The following NR1H3 variants were observed in gnomAD, a reference collection of about 807,000 sequenced individuals.
NR1H3 encodes the protein nuclear receptor subfamily 1 group H member 3, also known as oxysterols receptor LXR-alpha.
A neutral mutation model predicts 48.1 loss-of-function variants in NR1H3; 19 were observed. The ratio of observed to expected loss-of-function variants is 0.40; its 90% CI spans 0.28 to 0.58. NR1H3 has a LOEUF of 0.58. Among genes scored for constraint, NR1H3 ranks in the 20% least tolerant of loss-of-function variants. The probability of loss-of-function intolerance (pLI) is 0.50; values close to 1 mark genes in which losing one functional copy is unlikely to be tolerated. For synonymous variants in NR1H3, 232 were observed against 227.3 expected (o/e 1.02, Z -0.19); for missense variants, 486 against 595.9 (o/e 0.82, Z 1.92).
rs1286324683 is a variant in NR1H3, at chr11:47,262,001, A to G, written c.971A>G (p.Glu324Gly). 4 of 1,613,192 alleles carry G rather than the reference A, an allele frequency of 2.5e-6. No homozygotes were observed. The highest frequency in any genetic ancestry group is 2.5e-6 in the Non-Finnish European group (3 of 1,179,176). The part of the protein sequence containing the change: ...TFLKDFSYNR[E>G]DFAKAGLQVE... ...CTCAAGGATTTCAGTTATAACCGGG[A>G]AGACTTTGCCAAAGCAGGTGAGAAC... The change falls in exon 7 of 10, where the codon GAA (glutamate) becomes GGA (glycine). Residue 324 changes from glutamate to glycine, a missense_variant. By Grantham distance (98) the Glu-to-Gly change is moderately conservative. Coordinates refer to ENST00000441012, the MANE Select transcript of NR1H3 (RefSeq NM_005693.4).
Position 47,261,317 on chromosome 11 carries a change from G to A in NR1H3, c.576G>A (p.Leu192=), listed in dbSNP as rs1314396468. 4 of 1,613,644 alleles carry A rather than the reference G, an allele frequency of 2.5e-6. No homozygotes were observed. The highest frequency in any genetic ancestry group is 2.2e-5 in the South Asian group (2 of 91,064). The part of the protein sequence containing the change: ...QEEEQAHATS[L]PPRASSPPQI... ...AGGAACAGGCTCATGCCACATCCTTGCCCCCCAGGGCTTCCTCACCCCCCC... is the reference window on the plus strand; with the variant it reads ...AGGAACAGGCTCATGCCACATCCTTACCCCCCAGGGCTTCCTCACCCCCCC... Residue 192 remains leucine (L), a synonymous_variant, in exon 5 of 10, where the codon TTG becomes TTA. Transcript: ENST00000441012.
In NR1H3 at chr11:47,260,399, C is replaced by G; in HGVS notation, c.233-10C>G. On this transcript the variant is annotated splice_polypyrimidine_tract_variant and intron_variant, in intron 3 of 9. Coordinates refer to ENST00000441012, the MANE Select transcript of NR1H3 (RefSeq NM_005693.4). ...CGGGGGAGAGCGTTGAAGCACTTTC[C>G]TGTATCCAGAGATCCGTCCACAAAA... 1 of 1,604,620 alleles carries G rather than the reference C, an allele frequency of 6.2e-7. No individual in the cohort carries two copies. Among genetic ancestry groups the G allele is most frequent in the Non-Finnish European group, 8.5e-7 (1 of 1,173,796 alleles).
intron 2 of NR1H3, 78 bp from the exon 3 acceptor site, chr11:47,259,713 A>T: frequency 6.3e-7 from 1 of 1,597,996 alleles, no homozygotes; most frequent in Admixed American, 1.7e-5. Context: ...ATAAGTTTGC[A>T]GTTTCCCAGC....
chr11:47,262,126 T>A, intron 7 of NR1H3, 108 bp downstream of exon 7: 1 of 769,222 alleles, frequency 1.3e-6, no homozygotes, highest in Non-Finnish European at 2.1e-6. Context: ...ATGCCTGTAA[T>A]CCCAGCACTT....
upstream of NR1H3, among the ~76,000 whole-genome samples, chr11:47,255,571 TTCTTTC>T (rs1565178385): frequency 9.5e-5 from 8 of 84,388 alleles, no homozygotes; most frequent in Middle Eastern, 4.6e-3. Context: ...CTTTCTTTCT[TTCTTTC>T]TTTCTTTCTT....
intron 7 of NR1H3, among the ~76,000 whole-genome samples, chr11:47,262,231 TAGTC>T (rs758957647): frequency 2.6e-5 from 4 of 151,584 alleles, no homozygotes; most frequent in African/African-American, 7.3e-5. Flanking sequence ...TACAAAAAAT[TAGTC>T]AGGCATGGTG....
intron 7 of NR1H3, among the ~76,000 whole-genome samples, chr11:47,262,492 C>T (rs1956007915): frequency 1.3e-5 from 2 of 151,922 alleles, no homozygotes; most frequent in South Asian, 4.2e-4. Flanking sequence ...AGCCACCCAC[C>T]ATGCCCGGCC....
chr11:47,262,028 G>A lies in NR1H3; in HGVS notation c.988+10G>A, dbSNP rs764762957. 2 of 1,591,904 alleles carry A rather than the reference G, an allele frequency of 1.3e-6. No individual in the cohort carries two copies. Among genetic ancestry groups the A allele is most frequent in the Admixed American group, 3.3e-5 (2 of 59,840 alleles). Reference sequence around the variant, plus strand: ...GACTTTGCCAAAGCAGGTGAGAACTGAGATCACACAGGGATTGGGGTTGGG... The same window carrying A: ...GACTTTGCCAAAGCAGGTGAGAACTAAGATCACACAGGGATTGGGGTTGGG... On this transcript the variant is annotated intron_variant, in intron 7 of 9. Transcript: ENST00000441012.
At chr11:47,248,922 T>G (rs759622799) in exon 1 of NR1H3, 101 of 1,535,222 alleles carry the variant, frequency 6.6e-5, no homozygotes, top group Non-Finnish European at 8.4e-5. Flanking sequence ...CCTGCTGGGG[T>G]GCGGGGAAAA....
chr11:47,250,964 C>T (rs565554290), intron 1 of NR1H3, among the ~76,000 whole-genome samples: 2 of 152,086 alleles, frequency 1.3e-5, no homozygotes, highest in South Asian at 2.1e-4. Context: ...TCAAGACCAT[C>T]CTGGCTAACA....
At position 47,259,216 on chromosome 11, in the gene NR1H3, G is replaced by A; in HGVS notation, c.-1G>A. The A allele has an allele frequency of 6.2e-7, 1 of 1,614,196 alleles. No individual in the cohort carries two copies. The highest frequency in any genetic ancestry group is 1.1e-5 in the South Asian group (1 of 91,080). On this transcript the variant is annotated 5_prime_UTR_variant, in exon 2 of 10. Coordinates refer to ENST00000441012, the MANE Select transcript of NR1H3 (RefSeq NM_005693.4). The stretch of plus-strand genomic sequence containing the variant: ...GGTAATGACCAGGGCTCCAGGAAGA[G>A]ATGTCCTTGTGGCTGGGGGCCCCTG...
Position 47,260,675 on chromosome 11 carries a change from T to A in NR1H3, c.499T>A (p.Cys167Ser). The A allele has an allele frequency of 2.5e-6, 4 of 1,589,564 alleles. No individual in the cohort carries two copies. The South Asian group carries it at 3.3e-5, about 13-fold the overall frequency. ...KCRQAGMREE[C>S]VLSEEQIRLK... The stretch of plus-strand genomic sequence containing the variant: ...CCGTCAGGCTGGCATGCGGGAGGAG[T>A]GTGAGTTTCTGGGGCTGGAGTGGGG... Residue 167 changes from cysteine (C) to serine (S), a missense_variant and splice_region_variant, in exon 4 of 10, where the codon TGT becomes AGT. Physicochemically the swap from Cys to Ser is moderately radical, Grantham distance 112. Coordinates refer to ENST00000441012, the MANE Select transcript of NR1H3 (RefSeq NM_005693.4).
chr11:47,249,025 G>C, intron 1 of NR1H3: 1 of 1,468,374 alleles, frequency 6.8e-7, no homozygotes, highest in Non-Finnish European at 9.0e-7. Context: ...GCGGCAGACA[G>C]GGCTCGAAGA....
chr11:47,248,394 T>C (rs371257928), upstream of NR1H3: 2 of 1,501,462 alleles, frequency 1.3e-6, no homozygotes, highest in African/African-American at 2.8e-5. Context: ...ACGTATGTGG[T>C]GGGGACAACT....
upstream of NR1H3, among the ~76,000 whole-genome samples, chr11:47,257,281 G>A (rs557375122): frequency 3.9e-5 from 6 of 152,266 alleles, no homozygotes; most frequent in African/African-American, 1.2e-4. Flanking sequence ...GAGGCAACCC[G>A]CATACCTTCC....
chr11:47,263,701 C>A (rs991209310), intron 7 of NR1H3, among the ~76,000 whole-genome samples: 1 of 150,330 alleles, frequency 6.7e-6, no homozygotes, highest in Non-Finnish European at 1.5e-5. Flanking sequence ...CTCCCGGATT[C>A]AAACGATTCC....
chr11:47,255,525 CTCTTTCTT>C (rs144261611), upstream of NR1H3, among the ~76,000 whole-genome samples: 21 of 143,300 alleles, frequency 1.5e-4, no homozygotes, highest in Non-Finnish European at 2.5e-4. Context: ...GTGATAGACT[CTCTTTCTT>C]TCTTTCTTTT....
At chr11:47,256,414 C>T (rs540858507), upstream of NR1H3, among the ~76,000 whole-genome samples, 18 of 152,224 alleles carry the variant, frequency 1.2e-4, no homozygotes, top group Non-Finnish European at 2.4e-4. Flanking sequence ...GATTCAGAGA[C>T]GTTAAGTAAC....
At chr11:47,257,711 T>C, upstream of NR1H3, 1 of 985,386 alleles carries the variant, frequency 1.0e-6, no homozygotes, top group Non-Finnish European at 1.2e-6. Flanking sequence ...GGCAGTCCTT[T>C]TGCAAGAGCT....
Sources: allele counts gnomAD v4.1 joint callset (sites outside exome capture counted in the v4.1 genomes callset), GRCh38; gene constraint gnomAD v4.1.1; transcripts MANE v1.5; gene names NCBI Gene and HGNC (gene_info 2026-07-23, HGNC 2026-07-21).